Variants in POU2AF2 observed in about 807,000 individuals in gnomAD.
POU2AF2 encodes the protein POU class 2 homeobox associating factor 2.
At chr11:111,268,311 T>G in the POU2AF2 span, among the ~76,000 whole-genome samples, 1 of 152,124 alleles carries the variant, frequency 6.6e-6, no homozygotes, top group African/African-American at 2.4e-5. Flanking sequence ...TTCTCTGATT[T>G]CTTAAAATTT....
At chr11:111,273,091 T>A in the POU2AF2 span, among the ~76,000 whole-genome samples, 29 of 152,228 alleles carry the variant, frequency 1.9e-4, no homozygotes, top group Non-Finnish European at 3.8e-4. Flanking sequence ...TGTTTCAAAC[T>A]TTTCAAAAGT....
chr11:111,269,039 C>A, the POU2AF2 span, among the ~76,000 whole-genome samples: 1 of 152,026 alleles, frequency 6.6e-6, no homozygotes, highest in Admixed American at 6.6e-5. Flanking sequence ...GCAGAAGAAT[C>A]TATTTCTCAT....
At chr11:111,267,260 G>A in the POU2AF2 span, among the ~76,000 whole-genome samples, 10 of 152,242 alleles carry the variant, frequency 6.6e-5, no homozygotes, top group South Asian at 2.1e-3. Context: ...GGGAATATAT[G>A]GAGAACACTG....
chr11:111,248,811 G>A, the POU2AF2 span, among the ~76,000 whole-genome samples: 7 of 152,146 alleles, frequency 4.6e-5, no homozygotes, highest in Admixed American at 1.3e-4. Context: ...TGCCATAAGT[G>A]TATTTGATAT....
the POU2AF2 span, among the ~76,000 whole-genome samples, chr11:111,283,339 G>C: frequency 6.6e-6 from 1 of 151,058 alleles, no homozygotes; most frequent in Non-Finnish European, 1.5e-5. Flanking sequence ...GTGAGCCACC[G>C]AGCCTGCACC....
the POU2AF2 span, among the ~76,000 whole-genome samples, chr11:111,250,137 C>A: frequency 3.3e-5 from 5 of 152,246 alleles, no homozygotes; most frequent in East Asian, 7.7e-4. Context: ...CTTTCCCCGA[C>A]CTTCTTGACT....
At chr11:111,273,371 A>G in the POU2AF2 span, among the ~76,000 whole-genome samples, 6 of 152,224 alleles carry the variant, frequency 3.9e-5, no homozygotes, top group Admixed American at 3.9e-4. Context: ...GTAGACATTA[A>G]AATGTGGTGT....
chr11:111,254,768 T>G, the POU2AF2 span, among the ~76,000 whole-genome samples: 6 of 152,222 alleles, frequency 3.9e-5, no homozygotes, highest in Non-Finnish European at 8.8e-5. Context: ...GAGAATAATT[T>G]TGGTTATGTG....
At chr11:111,250,884 A>G in the POU2AF2 span, among the ~76,000 whole-genome samples, 2,884 of 152,308 alleles carry the variant, frequency 0.019, 35 homozygotes, top group Admixed American at 0.041. Flanking sequence ...GGCACTTCAG[A>G]AACGCTGGGG....
the POU2AF2 span, chr11:111,285,797 T>C: frequency 1.9e-6 from 3 of 1,609,770 alleles, no homozygotes; most frequent in South Asian, 1.1e-5. Flanking sequence ...GGGCTCAAGC[T>C]GGGGGTCATC....
the POU2AF2 span, among the ~76,000 whole-genome samples, chr11:111,279,506 AC>A: frequency 2.0e-5 from 3 of 152,122 alleles, no homozygotes. Context: ...GGCAGTTGTC[AC>A]TGGTGATCCT....
the POU2AF2 span, among the ~76,000 whole-genome samples, chr11:111,276,732 A>C: frequency 4.8e-5 from 7 of 146,466 alleles, no homozygotes; most frequent in Admixed American, 4.9e-4. Flanking sequence ...CAGTGGAATG[A>C]CATCTTCAAA....
chr11:111,285,862 T>G, the POU2AF2 span: 11,937 of 1,609,864 alleles, frequency 7.4e-3, 53 homozygotes, highest in Non-Finnish European at 8.9e-3. Context: ...TGCACCACAC[T>G]CCGGGGTACC....
chr11:111,274,220 A>C, the POU2AF2 span, among the ~76,000 whole-genome samples: 1 of 152,192 alleles, frequency 6.6e-6, no homozygotes, highest in Non-Finnish European at 1.5e-5. Context: ...CACCCTTCCC[A>C]GCCCCATGCA....
the POU2AF2 span, among the ~76,000 whole-genome samples, chr11:111,254,137 A>G: frequency 6.6e-5 from 10 of 152,228 alleles, no homozygotes; most frequent in East Asian, 1.9e-3. Context: ...TCAATAAATC[A>G]ATGTGACCTT....
the POU2AF2 span, among the ~76,000 whole-genome samples, chr11:111,267,992 T>A: frequency 2.0e-5 from 3 of 152,222 alleles, no homozygotes; most frequent in African/African-American, 7.2e-5. Context: ...ACCATACTAC[T>A]GCTCTTTGGC....
At chr11:111,283,975 G>T in the POU2AF2 span, 1 of 1,042,210 alleles carries the variant, frequency 9.6e-7, no homozygotes, top group Non-Finnish European at 1.4e-6. Flanking sequence ...AGTCAGGCAC[G>T]CGTTAGTAAC....
chr11:111,253,732 C>T, the POU2AF2 span, among the ~76,000 whole-genome samples: 1 of 152,174 alleles, frequency 6.6e-6, no homozygotes, highest in Non-Finnish European at 1.5e-5. Context: ...TGGCGTATGG[C>T]CTAGAGGATG....
At chr11:111,271,044 G>C in the POU2AF2 span, among the ~76,000 whole-genome samples, 11 of 152,162 alleles carry the variant, frequency 7.2e-5, no homozygotes, top group Admixed American at 3.9e-4. Context: ...AGTTCTGGGC[G>C]GGGTGCAGTG....
Sources: gnomAD v4.1 joint callset for allele counts (sites outside exome capture counted in the v4.1 genomes callset) on GRCh38, gnomAD v4.1.1 for gene constraint, MANE v1.5 for transcripts, NCBI Gene and HGNC (gene_info 2026-07-23, HGNC 2026-07-21) for gene names.